ROBO2: variants seen among roughly 807,000 people sequenced by gnomAD.
The protein encoded by ROBO2 is roundabout homolog 2.
A neutral mutation model predicts 160.8 loss-of-function variants in ROBO2; 53 were observed. The ratio of observed to expected loss-of-function variants is 0.33; its 90% confidence interval spans 0.26 to 0.41. The LOEUF (loss-of-function observed/expected upper bound fraction) is 0.41. ROBO2 is among the 10% of genes least tolerant of loss of function. The pLI, the probability that ROBO2 is intolerant of heterozygous loss-of-function variation, is 1.00. For synonymous variants in ROBO2, 664 were observed against 611.7 expected, an observed-to-expected ratio of 1.09 and a Z score of -1.26; for missense variants, 1,577 against 1,722.4, an observed-to-expected ratio of 0.92 and a Z score of 1.49.
At position 76,544,178 on chromosome 3, in the gene ROBO2, A is replaced by C. The variant is rs144504201; in HGVS notation, c.110-553836A>C. ...TTTCTTCATGTCCTAAAGAGTCAGT[A>C]GCTGTTTACCAACATCCTTCCTACT... On this transcript the variant is annotated intron_variant, in intron 2 of 26. Transcript: ENST00000487694. Among the ~76,000 whole-genome samples the C allele has an allele frequency of 2.0e-3, 301 of 152,150 alleles. 1 individual carries two copies. Among genetic ancestry groups the C allele is most frequent in the African/African-American group, 6.5e-3 (272 of 41,566 alleles).
At chr3:76,663,238 G>C (rs2091898270) in intron 2 of ROBO2, among the ~76,000 whole-genome samples, 2 of 152,150 alleles carry the variant, frequency 1.3e-5, no homozygotes, top group Admixed American at 6.5e-5. Context: ...ACCATCAACA[G>C]ACAAGAGAAA....
intron 5 of ROBO2, among the ~76,000 whole-genome samples, chr3:77,507,061 T>C (rs868114027): frequency 7.2e-5 from 11 of 152,174 alleles, no homozygotes; most frequent in African/African-American, 1.9e-4. Flanking sequence ...AGATAGTTGC[T>C]GAATTGGCGA....
intron 20 of ROBO2, among the ~76,000 whole-genome samples, chr3:77,605,724 C>A (rs2094514584): frequency 6.6e-6 from 1 of 152,116 alleles, no homozygotes; most frequent in Admixed American, 6.5e-5. Context: ...TTTTCTCTTA[C>A]TGGGTGAATG....
At chr3:77,343,087 A>AGAGAGAAAG (rs2067248309) in intron 2 of ROBO2, among the ~76,000 whole-genome samples, 1 of 151,050 alleles carries the variant, frequency 6.6e-6, no homozygotes, top group Non-Finnish European at 1.5e-5. Context: ...AGAGAGAGAG[A>AGAGAGAAAG]ACTTTCTTAT....
In ROBO2 at chr3:76,570,959, C is replaced by T. The variant is rs150317852; in HGVS notation, c.110-527055C>T. Reference sequence around the variant, plus strand: ...TCATGTATGACAAAACTGTATCATACAGAATACAAGAAAAAATGTTCTAAA... The same window carrying T: ...TCATGTATGACAAAACTGTATCATATAGAATACAAGAAAAAATGTTCTAAA... On this transcript the variant is annotated intron_variant, in intron 2 of 26. Coordinates refer to the ROBO2 transcript ENST00000487694. Among the ~76,000 whole-genome samples, 480 of 152,088 alleles carry T rather than the reference C, an allele frequency of 3.2e-3. 5 individuals carry two copies. The highest frequency in any genetic ancestry group is 8.9e-3 in the Admixed American group (136 of 15,284).
At chr3:77,190,336 A>T (rs1034113368) in intron 2 of ROBO2, among the ~76,000 whole-genome samples, 1 of 151,976 alleles carries the variant, frequency 6.6e-6, no homozygotes, top group African/African-American at 2.4e-5. Flanking sequence ...TCAGAGTTGC[A>T]TTATCTGTGT....
At chr3:76,777,552 T>C (rs1444200875) in intron 2 of ROBO2, among the ~76,000 whole-genome samples, 2 of 151,034 alleles carry the variant, frequency 1.3e-5, no homozygotes, top group African/African-American at 4.8e-5. Context: ...ATGTTTTTTC[T>C]TTCTTTTTTT....
chr3:76,961,870 C>A (rs2079688124), intron 2 of ROBO2, among the ~76,000 whole-genome samples: 1 of 152,038 alleles, frequency 6.6e-6, no homozygotes, highest in African/African-American at 2.4e-5. Flanking sequence ...TGTGATAATT[C>A]AGCGATTCAT....
Position 77,185,606 on chromosome 3 carries a change from T to C in ROBO2, c.388+87266T>C, listed in dbSNP as rs147857339. ...CCATTATGGAAAACAGTGTGGAGAG[T>C]CCTTAAAGAACTAAAAGTAGAACCA... On this transcript the variant is annotated intron_variant, in intron 2 of 25. Transcript: ENST00000461745. 4.5e-3 allele frequency among the ~76,000 whole-genome samples: 678 copies of C among 151,634 alleles called. 6 individuals carry two copies. The highest frequency in any genetic ancestry group is 0.016 in the African/African-American group (647 of 41,352).
At chr3:77,474,405 T>C (rs528648569) in intron 2 of ROBO2, among the ~76,000 whole-genome samples, 1 of 152,270 alleles carries the variant, frequency 6.6e-6, no homozygotes, top group East Asian at 1.9e-4. Flanking sequence ...AAGGGGACGC[T>C]TTCCCTTGGC....
intron 2 of ROBO2, among the ~76,000 whole-genome samples, chr3:76,498,246 G>C (rs2107608405): frequency 6.6e-6 from 1 of 152,292 alleles, no homozygotes; most frequent in South Asian, 2.1e-4. Flanking sequence ...AAACATAATT[G>C]TATGATGTTC....
chr3:76,528,506 C>T (rs970870525), intron 2 of ROBO2, among the ~76,000 whole-genome samples: 1 of 152,000 alleles, frequency 6.6e-6, no homozygotes, highest in African/African-American at 2.4e-5. Flanking sequence ...TTTGCCTGAA[C>T]AACTGGCAGG....
At chr3:77,174,394 C>A (rs770051050) in intron 2 of ROBO2, among the ~76,000 whole-genome samples, 2 of 151,884 alleles carry the variant, frequency 1.3e-5, no homozygotes, top group African/African-American at 2.4e-5. Flanking sequence ...TATATTAGCC[C>A]GTATTAATAG....
rs569796392 is a variant in ROBO2 at position 77,434,598 on chromosome 3, T to C, written c.389-42816T>C. Among the ~76,000 whole-genome samples, 5 of 152,240 alleles carry C rather than the reference T, an allele frequency of 3.3e-5. No homozygotes were observed. The East Asian group carries it at 7.7e-4, about 24-fold the overall frequency. On this transcript the variant is annotated intron_variant, in intron 2 of 25. Transcript: ENST00000461745. ...ACTAGGTAGAACTAAGTTTCCAATC[T>C]AGGCTATCAGACCCTCAGACCATGT...
At chr3:76,633,530 G>T (rs547578988) in intron 2 of ROBO2, among the ~76,000 whole-genome samples, 6 of 152,260 alleles carry the variant, frequency 3.9e-5, no homozygotes, top group African/African-American at 1.2e-4. Context: ...AGATGAGAAA[G>T]GTAAGCTCTC....
intron 2 of ROBO2, among the ~76,000 whole-genome samples, chr3:76,435,873 A>G (rs1345095631): frequency 2.0e-5 from 3 of 152,194 alleles, no homozygotes; most frequent in Non-Finnish European, 4.4e-5. Context: ...TGGTTCTGCT[A>G]TAACCAAACT....
intron 2 of ROBO2, among the ~76,000 whole-genome samples, chr3:77,112,507 G>A (rs147504643): frequency 6.6e-6 from 1 of 151,980 alleles, no homozygotes; most frequent in Admixed American, 6.5e-5. Context: ...GCCTCCCAAA[G>A]TGCTGGGATT....
At chr3:76,224,678 A>G (rs1374604555) in intron 2 of ROBO2, among the ~76,000 whole-genome samples, 4 of 152,156 alleles carry the variant, frequency 2.6e-5, no homozygotes, top group Non-Finnish European at 5.9e-5. Flanking sequence ...CCTAATTCAT[A>G]ATTTTCTAAT....
intron 2 of ROBO2, among the ~76,000 whole-genome samples, chr3:75,995,388 C>T (rs138560704): frequency 7.2e-5 from 11 of 152,018 alleles, no homozygotes; most frequent in African/African-American, 2.7e-4. Context: ...GGGTGCAAGC[C>T]CCAGGCCTTT....
Sources: allele counts gnomAD v4.1 joint callset (sites outside exome capture counted in the v4.1 genomes callset), GRCh38; gene constraint gnomAD v4.1.1; transcripts MANE v1.5; gene names NCBI Gene and HGNC (gene_info 2026-07-23, HGNC 2026-07-21).